USP48: variants seen among roughly 807,000 people sequenced by gnomAD.
USP48 encodes ubiquitin carboxyl-terminal hydrolase 48.
USP48 carries 43 observed loss-of-function variants against 150.7 expected under a neutral mutation model. That is an observed-to-expected ratio of 0.29 (90% CI 0.22 to 0.37). USP48 has a LOEUF of 0.37. USP48 is among the 10% of genes least tolerant of loss of function. USP48 has a pLI of 1.00. For missense variants in USP48, 813 were observed against 1,249.6 expected, an observed-to-expected ratio of 0.65 and a Z score of 5.27; for synonymous variants, 396 against 425.9, an observed-to-expected ratio of 0.93 and a Z score of 0.86.
chr1:21,706,667 T>C, intron 16 of USP48, 77 bp downstream of exon 16: 2 of 1,611,868 alleles, frequency 1.2e-6, no homozygotes, highest in Non-Finnish European at 1.7e-6. Context: ...CCGTCAGAAG[T>C]ACAGTGTTAA....
intron 23 of USP48, among the ~76,000 whole-genome samples, chr1:21,694,027 AT>A (rs1216970959): frequency 7.2e-5 from 11 of 152,200 alleles, no homozygotes; most frequent in Non-Finnish European, 1.3e-4. Flanking sequence ...AGGGGCCAGA[AT>A]TTTTTATGGA....
intron 1 of USP48, 140 bp from the exon 2 acceptor site, chr1:21,757,923 G>A: frequency 9.0e-7 from 1 of 1,105,894 alleles, no homozygotes; most frequent in Non-Finnish European, 1.2e-6. Context: ...AGTTTGTGAG[G>A]GTGTGGAGAA....
intron 9 of USP48, among the ~76,000 whole-genome samples, chr1:21,731,010 C>T (rs2097755529): frequency 6.6e-6 from 1 of 152,096 alleles, no homozygotes; most frequent in Non-Finnish European, 1.5e-5. Context: ...CTGCCCGCCT[C>T]AGCCTCCCAA....
At chr1:21,747,622 G>A (rs186101315) in intron 7 of USP48, among the ~76,000 whole-genome samples, 1 of 152,096 alleles carries the variant, frequency 6.6e-6, no homozygotes, top group East Asian at 1.9e-4. Context: ...GCCCAGGCCG[G>A]AGTACAATGG....
intron 8 of USP48, among the ~76,000 whole-genome samples, chr1:21,744,384 C>A (rs1244338758): frequency 2.0e-5 from 3 of 150,664 alleles, no homozygotes; most frequent in East Asian, 3.9e-4. Flanking sequence ...GAGGTGGAGG[C>A]TGCAGTGAGT....
chr1:21,678,663 C>G lies in USP48; in HGVS notation c.*754G>C, dbSNP rs1042051448. On this transcript the variant is annotated 3_prime_UTR_variant, in exon 27 of 27. Coordinates refer to ENST00000308271, the MANE Select transcript of USP48 (RefSeq NM_032236.8). The stretch of plus-strand genomic sequence containing the variant: ...TTCCCACTTTTGAATAACAGCAAAA[C>G]CGGAAGAGGATGCTTTCACACATAA... 5.9e-5 allele frequency: 9 copies of G among 152,114 alleles called. No individual in the cohort carries two copies. The highest frequency in any genetic ancestry group is 2.2e-4 in the African/African-American group (9 of 41,408). 9.4% of individuals were successfully genotyped at this position (152,114 alleles called of 1,614,324 possible). A position where few individuals can be genotyped will look rare whatever the true frequency, so the allele number is the denominator to read the frequency against.
At chr1:21,688,774 T>C (rs1488645827) in intron 24 of USP48, among the ~76,000 whole-genome samples, 1 of 131,426 alleles carries the variant, frequency 7.6e-6, no homozygotes, top group Non-Finnish European at 1.5e-5. Flanking sequence ...ATCTGGGAGG[T>C]GGAGGTTGCA....
intron 15 of USP48, among the ~76,000 whole-genome samples, chr1:21,712,748 C>T (rs541302567): frequency 6.6e-6 from 1 of 151,818 alleles, no homozygotes; most frequent in South Asian, 2.1e-4. Context: ...CCTGGGTCAG[C>T]CTCCCGAGTA....
In USP48 at chr1:21,728,620, G is replaced by A; in HGVS notation, c.1400C>T (p.Ala467Val). 6.2e-7 allele frequency: 1 copy of A among 1,614,140 alleles called. No individual in the cohort carries two copies. The highest frequency in any genetic ancestry group is 8.5e-7 in the Non-Finnish European group (1 of 1,180,022). ...MRKQSVDKGKAKHEEVKELYQ... is the reference protein window; with the variant it reads ...MRKQSVDKGKVKHEEVKELYQ... ...CAGCTCCTTAACCTCTTCGTGTTTT[G>A]CTTTTCCTTTATCCACACTTTGCTT... The change falls in exon 11 of 27, where the codon GCA becomes GTA. Residue 467 changes from alanine to valine, a missense_variant. By Grantham distance (64) the Ala-to-Val change is moderately conservative. Coordinates refer to ENST00000308271, the MANE Select transcript of USP48 (RefSeq NM_032236.8).
At chr1:21,684,219 A>G (rs1209538582) in intron 25 of USP48, among the ~76,000 whole-genome samples, 1 of 152,230 alleles carries the variant, frequency 6.6e-6, no homozygotes, top group Non-Finnish European at 1.5e-5. Flanking sequence ...ACTGTTTTCC[A>G]TAATGGCTGT....
chr1:21,723,883 G>A lies in USP48; in HGVS notation c.1648+15C>T, dbSNP rs142648339. On this transcript the variant is annotated intron_variant, in intron 12 of 26. Transcript: ENST00000308271. ...GAGCTGCTCTTTTTTAAACAGAGAG[G>A]ACATCTTGAATTACCAGTTAGTCTT... The A allele has an allele frequency of 3.1e-6, 5 of 1,604,258 alleles. No individual in the cohort carries two copies. In the African/African-American group the frequency reaches 5.3e-5, roughly 17 times the overall value.
intron 5 of USP48, 80 bp from the exon 6 acceptor site, chr1:21,751,695 T>C: frequency 1.9e-6 from 2 of 1,054,226 alleles, no homozygotes; most frequent in Non-Finnish European, 1.4e-6. Flanking sequence ...CCTAGAAAGA[T>C]GGAAAAAAGC....
intron 14 of USP48, among the ~76,000 whole-genome samples, chr1:21,717,455 C>CA (rs2097707736): frequency 4.0e-5 from 3 of 75,352 alleles, no homozygotes; most frequent in South Asian, 4.1e-4. Flanking sequence ...AAAACCCAAC[C>CA]AACCAAACAA....
At chr1:21,766,040 G>A (rs1572027626) in intron 1 of USP48, among the ~76,000 whole-genome samples, 2 of 151,434 alleles carry the variant, frequency 1.3e-5, no homozygotes, top group East Asian at 3.9e-4. Flanking sequence ...GAAAGGAAAG[G>A]AGAAATCTGG....
At chr1:21,768,449 G>C (rs1224502901) in intron 1 of USP48, 3 of 152,634 alleles carry the variant, frequency 2.0e-5, no homozygotes, top group Admixed American at 6.6e-5. Context: ...TGGTGTCCTT[G>C]ACCACATGAT....
intron 22 of USP48, among the ~76,000 whole-genome samples, chr1:21,698,128 A>T (rs2097642729): frequency 6.6e-6 from 1 of 152,178 alleles, no homozygotes; most frequent in African/African-American, 2.4e-5. Flanking sequence ...TACAGAAGCT[A>T]TCTTTGTACT....
chr1:21,725,160 G>A (rs1362757030), intron 11 of USP48: 1 of 152,110 alleles, frequency 6.6e-6, no homozygotes, highest in Non-Finnish European at 1.5e-5. Context: ...CATCAACTAA[G>A]AGCCTTCTAA....
chr1:21,734,069 T>C (rs376613835), intron 9 of USP48, among the ~76,000 whole-genome samples: 3 of 152,206 alleles, frequency 2.0e-5, no homozygotes, highest in Non-Finnish European at 4.4e-5. Flanking sequence ...GGGAGCGAGA[T>C]TGCTGAAGTT....
intron 22 of USP48, 62 bp downstream of exon 22, chr1:21,701,436 C>A: frequency 7.0e-7 from 1 of 1,424,344 alleles, no homozygotes; most frequent in Non-Finnish European, 9.9e-7. Context: ...CCAGGGGCTT[C>A]GAGTGGCTGC....
Sources: gnomAD v4.1 joint callset for allele counts (sites outside exome capture counted in the v4.1 genomes callset) on GRCh38, gnomAD v4.1.1 for gene constraint, MANE v1.5 for transcripts, NCBI Gene and HGNC (gene_info 2026-07-23, HGNC 2026-07-21) for gene names.